PCSK2: variants seen among roughly 807,000 people sequenced by gnomAD.
The protein encoded by PCSK2 is proprotein convertase subtilisin/kexin type 2.
PCSK2 carries 14 observed loss-of-function variants against 69.7 expected under a neutral mutation model. The observed-to-expected ratio is 0.20, with a 90% CI of 0.13 to 0.31. The LOEUF (loss-of-function observed/expected upper bound fraction) is 0.31. PCSK2 is among the 10% of genes least tolerant of loss of function. The probability of loss-of-function intolerance (pLI) is 1.00; values close to 1 mark genes in which losing one functional copy is unlikely to be tolerated. For synonymous variants in PCSK2, 307 were observed against 320.7 expected (o/e 0.96, Z 0.46); for missense variants, 544 against 842.5 (o/e 0.65, Z 4.39).
chr20:17,369,418 G>A, intron 5 of PCSK2, 141 bp downstream of exon 5: 1 of 718,178 alleles, frequency 1.4e-6, no homozygotes. Flanking sequence ...ACACACACAG[G>A]AGTACAGCTG....
At chr20:17,241,380 G>A (rs938934114) in intron 1 of PCSK2, among the ~76,000 whole-genome samples, 1 of 152,182 alleles carries the variant, frequency 6.6e-6, no homozygotes, top group Non-Finnish European at 1.5e-5. Flanking sequence ...ATACTATGCT[G>A]AGGAATTTGG....
chr20:17,239,406 G>A (rs1986468540), intron 1 of PCSK2, among the ~76,000 whole-genome samples: 1 of 150,672 alleles, frequency 6.6e-6, no homozygotes, highest in South Asian at 2.1e-4. Context: ...AGAAGGATGG[G>A]AAACAAGCCA....
At chr20:17,324,565 C>G (rs1211972845) in intron 2 of PCSK2, among the ~76,000 whole-genome samples, 1 of 152,148 alleles carries the variant, frequency 6.6e-6, no homozygotes, top group Non-Finnish European at 1.5e-5. Flanking sequence ...CGACTTAGGA[C>G]ACTCCTGCAG....
chr20:17,478,618 G>A (rs775899547), intron 11 of PCSK2, among the ~76,000 whole-genome samples: 3 of 152,106 alleles, frequency 2.0e-5, no homozygotes, highest in Non-Finnish European at 2.9e-5. Flanking sequence ...TAAATATTGT[G>A]TACAACTAAG....
chr20:17,479,812 A>C (rs943827522), intron 11 of PCSK2, among the ~76,000 whole-genome samples: 1 of 151,222 alleles, frequency 6.6e-6, no homozygotes, highest in Non-Finnish European at 1.5e-5. Flanking sequence ...AAAAAAAAAA[A>C]AAAAAAAAAG....
chr20:17,288,547 AC>A (rs1349949323), intron 2 of PCSK2, among the ~76,000 whole-genome samples: 1 of 152,102 alleles, frequency 6.6e-6, no homozygotes, highest in Non-Finnish European at 1.5e-5. Flanking sequence ...TGAAGTCCTA[AC>A]CCCCAGTACC....
At chr20:17,410,188 G>C (rs1454987946) in intron 6 of PCSK2, among the ~76,000 whole-genome samples, 2 of 151,852 alleles carry the variant, frequency 1.3e-5, no homozygotes, top group Non-Finnish European at 2.9e-5. Context: ...GTCATTTTTA[G>C]TTTAGTGATA....
chr20:17,230,989 G>A (rs907780608), intron 1 of PCSK2, among the ~76,000 whole-genome samples: 1 of 152,110 alleles, frequency 6.6e-6, no homozygotes, highest in African/African-American at 2.4e-5. Context: ...AATGACAAAA[G>A]CATTATTCCA....
chr20:17,443,336 T>G (rs1375848926), intron 8 of PCSK2, among the ~76,000 whole-genome samples: 1 of 152,140 alleles, frequency 6.6e-6, no homozygotes, highest in Non-Finnish European at 1.5e-5. Context: ...GCCAACAGGA[T>G]CGGGTGGCAG....
chr20:17,400,552 C>T (rs2031610828), intron 5 of PCSK2, among the ~76,000 whole-genome samples: 1 of 152,030 alleles, frequency 6.6e-6, no homozygotes, highest in African/African-American at 2.4e-5. Context: ...ATATGTGCTA[C>T]CTGATATCAT....
intron 5 of PCSK2, among the ~76,000 whole-genome samples, chr20:17,375,706 C>T (rs566766146): frequency 7.2e-5 from 11 of 152,204 alleles, no homozygotes; most frequent in South Asian, 2.1e-4. Context: ...TCTTGCACTC[C>T]GTCTTCTAGC....
At chr20:17,464,804 C>A (rs2284915) in intron 10 of PCSK2, 1 of 165,204 alleles carries the variant, frequency 6.1e-6, no homozygotes, top group Non-Finnish European at 1.3e-5. Flanking sequence ...TACTCCCTAT[C>A]TTTTGGATGG....
intron 6 of PCSK2, among the ~76,000 whole-genome samples, chr20:17,420,566 G>A (rs1481577209): frequency 6.6e-6 from 1 of 152,168 alleles, no homozygotes; most frequent in Admixed American, 6.5e-5. Flanking sequence ...AGGAGTAGAT[G>A]TAATATAGAT....
At chr20:17,400,589 G>T (rs1488203869) in intron 5 of PCSK2, among the ~76,000 whole-genome samples, 1 of 152,044 alleles carries the variant, frequency 6.6e-6, no homozygotes, top group Non-Finnish European at 1.5e-5. Flanking sequence ...TACACAAAAT[G>T]TAATTTTTAC....
intron 1 of PCSK2, 53 bp from the exon 2 acceptor site, chr20:17,260,187 C>A: frequency 3.4e-6 from 4 of 1,187,924 alleles, no homozygotes; most frequent in Non-Finnish European, 5.0e-6. Context: ...TGTCCCTGTC[C>A]CTGGGCCAAC....
chr20:17,448,701 A>G lies in PCSK2; in HGVS notation c.886-5041A>G, dbSNP rs552770281. The stretch of plus-strand genomic sequence containing the variant: ...TGTGATCACCAAAAATGTCTCCATC[A>G]CTGCATCCTGGAGAAAAAGTCCACA... On this transcript the variant is annotated intron_variant, in intron 8 of 11. Transcript: ENST00000262545. Among the ~76,000 whole-genome samples, 6 of 152,220 alleles carry G rather than the reference A, an allele frequency of 3.9e-5. No homozygotes were observed. The East Asian group carries it at 9.7e-4, about 25-fold the overall frequency.
intron 11 of PCSK2, among the ~76,000 whole-genome samples, chr20:17,471,889 A>G (rs187319924): frequency 1.5e-3 from 232 of 152,360 alleles, no homozygotes; most frequent in African/African-American, 5.2e-3. Context: ...GCCACTCTCC[A>G]TAATGTGCAG....
intron 2 of PCSK2, among the ~76,000 whole-genome samples, chr20:17,320,991 T>C (rs1012284182): frequency 3.9e-5 from 6 of 152,188 alleles, no homozygotes; most frequent in Non-Finnish European, 5.9e-5. Flanking sequence ...ATGTTAGGCA[T>C]CAAACAGCCC....
At chr20:17,439,498 C>T (rs930731423) in intron 8 of PCSK2, among the ~76,000 whole-genome samples, 31 of 152,114 alleles carry the variant, frequency 2.0e-4, no homozygotes, top group Non-Finnish European at 2.9e-4. Context: ...TCCCTGTGTC[C>T]GTGTTTGTAT....
Sources: allele counts gnomAD v4.1 joint callset (sites outside exome capture counted in the v4.1 genomes callset), GRCh38; gene constraint gnomAD v4.1.1; transcripts MANE v1.5; gene names NCBI Gene and HGNC (gene_info 2026-07-23, HGNC 2026-07-21).